KIF16B: variants seen among roughly 807,000 people sequenced by gnomAD.
KIF16B encodes the protein kinesin family member 16B.
A neutral mutation model predicts 156.3 loss-of-function variants in KIF16B; 98 were observed. The ratio of observed to expected loss-of-function variants is 0.63; its 90% CI spans 0.53 to 0.74. The LOEUF is 0.74. KIF16B is among the 30% of genes least tolerant of loss of function. The pLI, the probability that KIF16B is intolerant of heterozygous loss-of-function variation, is 0.00. For synonymous variants in KIF16B, 564 were observed against 583.7 expected, an observed-to-expected ratio of 0.97 and a Z score of 0.49; for missense variants, 1,421 against 1,606.5, an observed-to-expected ratio of 0.88 and a Z score of 1.97.
chr20:16,297,415 A>C (rs2063403806), intron 25 of KIF16B, among the ~76,000 whole-genome samples: 1 of 152,216 alleles, frequency 6.6e-6, no homozygotes, highest in Admixed American at 6.5e-5. Context: ...TGTCCAGGCC[A>C]GGCATGGTGG....
chr20:16,492,938 C>T (rs199872359), intron 12 of KIF16B, among the ~76,000 whole-genome samples: 2 of 152,142 alleles, frequency 1.3e-5, no homozygotes, highest in East Asian at 3.8e-4. Flanking sequence ...GAGGCACCAA[C>T]ACCTCTTACA....
intron 12 of KIF16B, among the ~76,000 whole-genome samples, chr20:16,484,946 G>A (rs1297033745): frequency 1.3e-5 from 2 of 152,172 alleles, no homozygotes; most frequent in Non-Finnish European, 2.9e-5. Context: ...TGCAAAAAAT[G>A]ACAAGAATTA....
In KIF16B at chr20:16,379,668, G is replaced by A; in HGVS notation, c.2334C>T (p.Leu778=). ...QLREKQEMIQ[L]LRRGEVQWVE... ...CCCACTGTACCTCCCCACGCCGCAG[G>A]AGCTGGATCATCTCCTGCTTCTCTC... is the stretch of plus-strand genomic sequence containing the variant. The change falls in exon 19 of 26, where the codon CTC becomes CTT. Residue 778 remains leucine (L), a synonymous_variant. Transcript: ENST00000354981. The A allele has an allele frequency of 1.2e-6, 2 of 1,614,058 alleles. No individual in the cohort carries two copies. The highest frequency in any genetic ancestry group is 1.6e-4 in the Middle Eastern group (1 of 6,062).
At chr20:16,311,745 A>T (rs1236036005) in intron 25 of KIF16B, among the ~76,000 whole-genome samples, 1 of 152,230 alleles carries the variant, frequency 6.6e-6, no homozygotes, top group Non-Finnish European at 1.5e-5. Flanking sequence ...CAACCAAATA[A>T]GCAACTATAT....
At chr20:16,335,643 A>G (rs897031152) in intron 24 of KIF16B, among the ~76,000 whole-genome samples, 4 of 152,230 alleles carry the variant, frequency 2.6e-5, no homozygotes, top group African/African-American at 9.6e-5. Flanking sequence ...AATTTACCAT[A>G]AAATTTATGA....
At chr20:16,278,746 G>T (rs190356982) in intron 25 of KIF16B, among the ~76,000 whole-genome samples, 1 of 152,298 alleles carries the variant, frequency 6.6e-6, no homozygotes, top group East Asian at 1.9e-4. Flanking sequence ...GAAGAAGGGG[G>T]GATGTGGTGA....
At chr20:16,315,542 G>T (rs2063685198) in intron 24 of KIF16B, among the ~76,000 whole-genome samples, 1 of 152,170 alleles carries the variant, frequency 6.6e-6, no homozygotes, top group African/African-American at 2.4e-5. Context: ...CCTCCTAAGT[G>T]TATGTAACCA....
chr20:16,275,871 G>A (rs940640826), intron 25 of KIF16B, among the ~76,000 whole-genome samples: 6 of 152,172 alleles, frequency 3.9e-5, no homozygotes, highest in African/African-American at 1.2e-4. Context: ...AGTATATATC[G>A]TAGACTACAC....
intron 25 of KIF16B, among the ~76,000 whole-genome samples, chr20:16,311,189 T>G (rs774557996): frequency 4.6e-5 from 7 of 152,220 alleles, no homozygotes; most frequent in Admixed American, 6.5e-5. Context: ...ATTATTACTC[T>G]TAAAAGAAGT....
At chr20:16,396,907 A>ATATTTTT (rs1555874708) in intron 17 of KIF16B, among the ~76,000 whole-genome samples, 1 of 94,748 alleles carries the variant, frequency 1.1e-5, no homozygotes, top group African/African-American at 5.5e-5. Context: ...CTGATTTTTG[A>ATATTTTT]TATTCTAACT....
At chr20:16,336,473 A>G (rs903386261) in intron 23 of KIF16B, among the ~76,000 whole-genome samples, 1 of 152,172 alleles carries the variant, frequency 6.6e-6, no homozygotes, top group Non-Finnish European at 1.5e-5. Context: ...CAGCTCACAT[A>G]TGAAAGGTCA....
chr20:16,472,236 G>A (rs758257440), intron 12 of KIF16B, among the ~76,000 whole-genome samples: 75 of 152,286 alleles, frequency 4.9e-4, no homozygotes, highest in Non-Finnish European at 8.8e-4. Context: ...CATACAGCCC[G>A]CAGGGCCTAA....
At chr20:16,528,302 A>G in intron 2 of KIF16B, 69 bp downstream of exon 2, 1 of 1,176,020 alleles carries the variant, frequency 8.5e-7, no homozygotes, top group Non-Finnish European at 1.3e-6. Context: ...TTATTTACTC[A>G]TTAGTCATCC....
chr20:16,295,662 C>A (rs6075045), intron 25 of KIF16B, among the ~76,000 whole-genome samples: 1 of 151,750 alleles, frequency 6.6e-6, no homozygotes, highest in East Asian at 1.9e-4. Context: ...TTCAATTAAG[C>A]GGCTCTAAAT....
intron 12 of KIF16B, among the ~76,000 whole-genome samples, chr20:16,484,384 T>A (rs753659213): frequency 6.6e-6 from 1 of 152,232 alleles, no homozygotes; most frequent in Non-Finnish European, 1.5e-5. Context: ...TCTCCCCCTG[T>A]TAATTATCAA....
chr20:16,374,494 T>C, intron 19 of KIF16B, 85 bp from the exon 20 acceptor site: 2 of 1,260,002 alleles, frequency 1.6e-6, no homozygotes. Flanking sequence ...TTAGATAGCA[T>C]GGGGGAACAA....
chr20:16,309,410 A>G (rs1350233239), intron 25 of KIF16B, among the ~76,000 whole-genome samples: 1 of 152,188 alleles, frequency 6.6e-6, no homozygotes, highest in African/African-American at 2.4e-5. Context: ...CACCAGACAC[A>G]TAACCAATGC....
chr20:16,525,645 T>C (rs2069512885), intron 3 of KIF16B, among the ~76,000 whole-genome samples: 1 of 152,188 alleles, frequency 6.6e-6, no homozygotes, highest in Non-Finnish European at 1.5e-5. Flanking sequence ...CTTTCTAGAA[T>C]CCACTCTAAA....
chr20:16,476,899 C>T (rs761378272), intron 12 of KIF16B, among the ~76,000 whole-genome samples: 2 of 152,092 alleles, frequency 1.3e-5, no homozygotes, highest in Admixed American at 6.6e-5. Context: ...GCTGGGACTA[C>T]AGGCGCGTGC....
Sources: gnomAD v4.1 joint callset for allele counts (sites outside exome capture counted in the v4.1 genomes callset) on GRCh38, gnomAD v4.1.1 for gene constraint, MANE v1.5 for transcripts, NCBI Gene and HGNC (gene_info 2026-07-23, HGNC 2026-07-21) for gene names.